EPHB1: variants seen among roughly 807,000 people sequenced by gnomAD.
The protein encoded by EPHB1 is EPH receptor B1, also known as ephrin type-B receptor 1.
Under a neutral mutation model 94.4 loss-of-function variants are expected in EPHB1, and 30 were observed. The ratio of observed to expected loss-of-function variants is 0.32; its 90% CI spans 0.24 to 0.43. The LOEUF is 0.43. EPHB1 is among the 20% of genes least tolerant of loss of function. The probability of loss-of-function intolerance (pLI) is 1.00; values close to 1 mark genes in which losing one functional copy is unlikely to be tolerated. For synonymous variants in EPHB1, 522 were observed against 489.1 expected (o/e 1.07, Z -0.89); for missense variants, 1,055 against 1,308.3 (o/e 0.81, Z 2.99).
chr3:134,820,531 G>A (rs6790588), intron 1 of EPHB1, among the ~76,000 whole-genome samples: 4,833 of 152,316 alleles, frequency 0.032, 104 homozygotes, highest in South Asian at 0.05. Context: ...TTAGCCTCCA[G>A]AGGCTGGGCC....
chr3:135,116,278 C>T (rs921889028), intron 4 of EPHB1, among the ~76,000 whole-genome samples: 3 of 152,164 alleles, frequency 2.0e-5, no homozygotes, highest in Non-Finnish European at 4.4e-5. Flanking sequence ...ATCAAATTCT[C>T]CTGGAGAGCC....
intron 12 of EPHB1, among the ~76,000 whole-genome samples, chr3:135,227,135 T>C (rs1032363795): frequency 1.3e-5 from 2 of 151,968 alleles, no homozygotes; most frequent in Admixed American, 6.6e-5. Flanking sequence ...AATAAAATCA[T>C]CTAAAATAAA....
At chr3:135,210,127 A>T (rs1270252039) in intron 12 of EPHB1, among the ~76,000 whole-genome samples, 2 of 152,224 alleles carry the variant, frequency 1.3e-5, no homozygotes, top group East Asian at 3.8e-4. Context: ...TTATTCTCAA[A>T]TTCTCAATTC....
intron 1 of EPHB1, among the ~76,000 whole-genome samples, chr3:134,893,919 A>G (rs2038036973): frequency 1.3e-5 from 2 of 152,170 alleles, no homozygotes; most frequent in Admixed American, 1.3e-4. Context: ...CAAACTGTGG[A>G]CCCAACTGAG....
intron 3 of EPHB1, among the ~76,000 whole-genome samples, chr3:135,087,291 T>G (rs1938393169): frequency 6.6e-6 from 1 of 152,220 alleles, no homozygotes; most frequent in African/African-American, 2.4e-5. Context: ...GGTGAAGCAC[T>G]TAGATTCCTC....
chr3:134,887,768 T>C (rs1216447003), intron 1 of EPHB1, among the ~76,000 whole-genome samples: 1 of 152,190 alleles, frequency 6.6e-6, no homozygotes, highest in Non-Finnish European at 1.5e-5. Context: ...CCATGAAGTA[T>C]TTAGAGCTCC....
intron 2 of EPHB1, 104 bp downstream of exon 2, chr3:134,925,984 A>C: frequency 1.0e-6 from 1 of 1,003,662 alleles, no homozygotes; most frequent in Non-Finnish European, 1.4e-6. Context: ...TGGGGAATGG[A>C]ATACAGGTGT....
chr3:135,070,607 A>T (rs1937672481), intron 3 of EPHB1, among the ~76,000 whole-genome samples: 1 of 152,200 alleles, frequency 6.6e-6, no homozygotes, highest in African/African-American at 2.4e-5. Context: ...AGTTCAGGGC[A>T]TTTGCTTATT....
At chr3:134,932,978 C>G (rs1354107139) in intron 2 of EPHB1, among the ~76,000 whole-genome samples, 1 of 152,160 alleles carries the variant, frequency 6.6e-6, no homozygotes, top group Non-Finnish European at 1.5e-5. Flanking sequence ...TTGCTGGAAG[C>G]TATTCTCATT....
chr3:135,000,334 A>G (rs1299273663), intron 3 of EPHB1, among the ~76,000 whole-genome samples: 2 of 152,216 alleles, frequency 1.3e-5, no homozygotes, highest in African/African-American at 4.8e-5. Context: ...ATCTCTGCCC[A>G]TGAGAAGGGT....
intron 1 of EPHB1, among the ~76,000 whole-genome samples, chr3:134,835,974 G>C (rs1346878908): frequency 6.6e-6 from 1 of 152,250 alleles, no homozygotes; most frequent in Non-Finnish European, 1.5e-5. Context: ...GAGTCAGCAA[G>C]CTTCTTCATA....
intron 11 of EPHB1, 44 bp from the exon 12 acceptor site, chr3:135,201,430 T>C (rs1942751927): frequency 3.1e-6 from 5 of 1,600,824 alleles, no homozygotes; most frequent in Non-Finnish European, 3.4e-6. Flanking sequence ...TGCTTAACCA[T>C]TGAAGCCCGT....
chr3:134,932,011 G>C (rs141884054), intron 2 of EPHB1, among the ~76,000 whole-genome samples: 1 of 150,948 alleles, frequency 6.6e-6, no homozygotes, highest in East Asian at 1.9e-4. Flanking sequence ...GCACACATAT[G>C]CTTGTATGTG....
intron 4 of EPHB1, among the ~76,000 whole-genome samples, chr3:135,122,912 A>AG (rs1940033331): frequency 2.0e-5 from 3 of 152,298 alleles, no homozygotes; most frequent in South Asian, 4.1e-4. Context: ...GTACAGGCCC[A>AG]GTGTTTCCAA....
intron 12 of EPHB1, among the ~76,000 whole-genome samples, chr3:135,203,862 C>T (rs1345261730): frequency 1.3e-5 from 2 of 152,166 alleles, no homozygotes; most frequent in African/African-American, 4.8e-5. Context: ...TCACACTCTA[C>T]CAGGAGTGTA....
At chr3:135,154,471 GCC>G in intron 6 of EPHB1, 195 bp downstream of exon 6, 1 of 636,048 alleles carries the variant, frequency 1.6e-6, no homozygotes. Flanking sequence ...CACTTTCTGT[GCC>G]AACTAAGGAG....
chr3:134,988,399 T>C (rs1934675736), intron 3 of EPHB1, among the ~76,000 whole-genome samples: 1 of 152,180 alleles, frequency 6.6e-6, no homozygotes, highest in Admixed American at 6.5e-5. Flanking sequence ...GCAGTCACAG[T>C]CCTAAGCAGA....
Position 135,164,567 on chromosome 3 carries a change from G to A in EPHB1, c.1586-1401G>A, listed in dbSNP as rs147699623. Among the ~76,000 whole-genome samples, 1,507 of 152,242 alleles carry A rather than the reference G, an allele frequency of 9.9e-3. 14 individuals carry two copies. The highest frequency in any genetic ancestry group is 0.027 in the Middle Eastern group (8 of 294). ...CTCACACCTCTAATCCCAGCACTTTGGGAGGCCGAGACAGGTGGATCACTT... is the reference window on the plus strand; with the variant it reads ...CTCACACCTCTAATCCCAGCACTTTAGGAGGCCGAGACAGGTGGATCACTT... On this transcript the variant is annotated intron_variant, in intron 7 of 15. Coordinates refer to ENST00000398015, the MANE Select transcript of EPHB1 (RefSeq NM_004441.5).
intron 3 of EPHB1, among the ~76,000 whole-genome samples, chr3:135,009,205 G>A (rs147773710): frequency 2.2e-3 from 330 of 152,294 alleles, no homozygotes; most frequent in African/African-American, 7.3e-3. Context: ...CATCTCCAGA[G>A]TTGGATTCAG....
Sources: allele counts gnomAD v4.1 joint callset (sites outside exome capture counted in the v4.1 genomes callset), GRCh38; gene constraint gnomAD v4.1.1; transcripts MANE v1.5; gene names NCBI Gene and HGNC (gene_info 2026-07-23, HGNC 2026-07-21).